VSTM4: variants seen among roughly 807,000 people sequenced by gnomAD.
VSTM4 encodes the protein V-set and transmembrane domain containing 4, also known as V-set and transmembrane domain-containing protein 4.
Under a neutral mutation model 36.4 loss-of-function variants are expected in VSTM4, and 20 were observed. The observed-to-expected ratio is 0.55, with a 90% CI of 0.39 to 0.80. VSTM4 has a LOEUF of 0.80. VSTM4 is among the 30% of genes least tolerant of loss of function. VSTM4 has a pLI of 0.00. For missense variants in VSTM4, 392 were observed against 404.5 expected, an observed-to-expected ratio of 0.97 and a Z score of 0.26; for synonymous variants, 182 against 173.9, an observed-to-expected ratio of 1.05 and a Z score of -0.37.
At chr10:49,047,386 G>A (rs181957834) in intron 6 of VSTM4, among the ~76,000 whole-genome samples, 124 of 152,224 alleles carry the variant, frequency 8.1e-4, no homozygotes, top group African/African-American at 2.7e-3. Context: ...ACACACTAGC[G>A]CTGATCACAA....
intron 3 of VSTM4, among the ~76,000 whole-genome samples, chr10:49,083,313 C>T (rs1187575156): frequency 1.3e-5 from 2 of 152,184 alleles, no homozygotes; most frequent in Non-Finnish European, 2.9e-5. Flanking sequence ...ACAATCAATG[C>T]CTCTTTTGTG....
chr10:49,107,984 C>T lies in VSTM4; in HGVS notation c.67G>A (p.Ala23Thr). 6.3e-7 allele frequency: 1 copy of T among 1,576,956 alleles called. No individual in the cohort carries two copies. Among genetic ancestry groups the T allele is most frequent in the Non-Finnish European group, 8.6e-7 (1 of 1,159,804 alleles). ...CCCGGGGACACAGTGACATTGAGGGCCGCACAGACCTCTGCAGAGAAAAAG... is the reference window on the plus strand; with the variant it reads ...CCCGGGGACACAGTGACATTGAGGGTCGCACAGACCTCTGCAGAGAAAAAG... ...ARAPAPEVCA[A>T]LNVTVSPGPV... The change falls in exon 2 of 8, where the codon GCC becomes ACC. Residue 23 changes from alanine to threonine, a missense_variant. By Grantham distance (58) the Ala-to-Thr change is moderately conservative (BLOSUM62 0). Transcript: ENST00000332853.
intron 2 of VSTM4, among the ~76,000 whole-genome samples, chr10:49,089,856 C>T (rs775944388): frequency 2.6e-5 from 4 of 152,238 alleles, no homozygotes; most frequent in Non-Finnish European, 5.9e-5. Flanking sequence ...TCTGAGTCCA[C>T]AGACTATGAG....
chr10:49,016,343 T>C lies in VSTM4; in HGVS notation c.*3307A>G, dbSNP rs1174324057. On this transcript the variant is annotated 3_prime_UTR_variant, in exon 8 of 8. Transcript: ENST00000332853. ...TCTCCTCCCTGCTGCTTGCTCAGTG[T>C]CTGTTGCCTTCCAAGGCTTCTCCAC... The C allele has an allele frequency of 6.6e-6, 1 of 152,236 alleles. No individual in the cohort carries two copies. The highest frequency in any genetic ancestry group is 2.4e-5 in the African/African-American group (1 of 41,444). The allele number at this position is 152,236 out of a possible 1,614,324, so 9.4% of individuals were successfully genotyped here. A position where few individuals can be genotyped will look rare whatever the true frequency, so the allele number is the denominator to read the frequency against.
chr10:49,064,848 A>G (rs1433614324), intron 4 of VSTM4, 112 bp from the exon 5 acceptor site: 15 of 1,089,514 alleles, frequency 1.4e-5, no homozygotes, highest in Non-Finnish European at 2.0e-5. Context: ...TATTGGTGCT[A>G]TACCACCCAA....
intron 5 of VSTM4, among the ~76,000 whole-genome samples, chr10:49,049,424 A>G (rs1050817914): frequency 6.6e-6 from 1 of 152,098 alleles, no homozygotes; most frequent in Non-Finnish European, 1.5e-5. Context: ...TCTCGGTGCT[A>G]CTCATGGGCT....
intron 1 of VSTM4, among the ~76,000 whole-genome samples, chr10:49,109,784 G>A (rs542635643): frequency 5.9e-5 from 9 of 152,336 alleles, no homozygotes; most frequent in Non-Finnish European, 1.3e-4. Flanking sequence ...TGTAGCCAAA[G>A]GAGGGACCCA....
intron 2 of VSTM4, chr10:49,102,895 C>T (rs771370510): frequency 1.3e-5 from 4 of 309,162 alleles, no homozygotes; most frequent in African/African-American, 2.3e-5. Context: ...AGAAACAGAA[C>T]GAACACACCC....
At chr10:49,038,686 G>A (rs1486740602) in intron 7 of VSTM4, among the ~76,000 whole-genome samples, 2 of 152,290 alleles carry the variant, frequency 1.3e-5, no homozygotes, top group East Asian at 3.9e-4. Flanking sequence ...TGTGGGGCAG[G>A]CCATGAGCTC....
At chr10:49,096,120 A>G (rs1844566086) in intron 2 of VSTM4, among the ~76,000 whole-genome samples, 1 of 152,218 alleles carries the variant, frequency 6.6e-6, no homozygotes, top group South Asian at 2.1e-4. Context: ...CAGAAGCCCT[A>G]AATGTTTAGT....
intron 5 of VSTM4, among the ~76,000 whole-genome samples, chr10:49,060,003 T>C (rs1277978690): frequency 6.6e-6 from 1 of 152,224 alleles, no homozygotes; most frequent in Non-Finnish European, 1.5e-5. Context: ...CACTTACTAT[T>C]GTTGGGGCTC....
intron 5 of VSTM4, 147 bp downstream of exon 5, chr10:49,064,556 A>T (rs1843938129): frequency 2.2e-6 from 2 of 890,026 alleles, no homozygotes; most frequent in Non-Finnish European, 3.5e-6. Context: ...ATGCAAATGC[A>T]TGCAGGATAC....
chr10:49,069,451 C>A (rs1052002547), intron 4 of VSTM4, among the ~76,000 whole-genome samples: 1 of 152,192 alleles, frequency 6.6e-6, no homozygotes, highest in Non-Finnish European at 1.5e-5. Flanking sequence ...AGTGAAGGAC[C>A]ACAGTACTCT....
In VSTM4 at chr10:49,048,493, C is replaced by T. The variant is rs753977306; in HGVS notation, c.760G>A (p.Ala254Thr). ...RQKEKPDIPPAVPAKAPIAPT... is the reference protein window; with the variant it reads ...RQKEKPDIPPTVPAKAPIAPT... ...AGCTCCTTACCTTTGGCAGGGACTGCGGGAGGAATGTCAGGCTTCTCCTTC... is the reference window on the plus strand; with the variant it reads ...AGCTCCTTACCTTTGGCAGGGACTGTGGGAGGAATGTCAGGCTTCTCCTTC... Residue 254 changes from alanine to threonine, a missense_variant, in exon 6 of 8, where the codon GCA becomes ACA. Physicochemically the swap from Ala to Thr is moderately conservative, Grantham distance 58 (BLOSUM62 0). Transcript: ENST00000332853. The T allele has an allele frequency of 2.6e-5, 41 of 1,593,324 alleles. No homozygotes were observed. The highest frequency in any genetic ancestry group is 1.6e-4 in the East Asian group (7 of 43,996).
At chr10:49,056,452 C>G (rs186475598) in intron 5 of VSTM4, among the ~76,000 whole-genome samples, 3 of 152,376 alleles carry the variant, frequency 2.0e-5, no homozygotes, top group Non-Finnish European at 4.4e-5. Context: ...ACCCCACTCC[C>G]TGTTCAGCTT....
At chr10:49,063,812 G>C (rs4402204) in intron 5 of VSTM4, among the ~76,000 whole-genome samples, 56,855 of 152,036 alleles carry the variant, frequency 0.37, 11,865 homozygotes, top group African/African-American at 0.56. Flanking sequence ...TTCCCTGAAG[G>C]CTTGGTGTCA....
intron 5 of VSTM4, among the ~76,000 whole-genome samples, chr10:49,057,144 C>T (rs1023747255): frequency 2.6e-5 from 4 of 152,048 alleles, no homozygotes; most frequent in Admixed American, 1.3e-4. Context: ...GACCCAAACA[C>T]GTCCCACCAA....
At chr10:49,034,711 TTTTC>T (rs1843401457) in intron 7 of VSTM4, among the ~76,000 whole-genome samples, 1 of 152,178 alleles carries the variant, frequency 6.6e-6, no homozygotes, top group Non-Finnish European at 1.5e-5. Context: ...TTTTCTTTTC[TTTTC>T]TTTATTATTT....
intron 1 of VSTM4, among the ~76,000 whole-genome samples, chr10:49,109,152 T>C (rs116451072): frequency 6.6e-6 from 1 of 152,254 alleles, no homozygotes; most frequent in African/African-American, 2.4e-5. Flanking sequence ...GGTGTCCCCA[T>C]GGTCATCCCA....
Sources: allele counts gnomAD v4.1 joint callset (sites outside exome capture counted in the v4.1 genomes callset), GRCh38; gene constraint gnomAD v4.1.1; transcripts MANE v1.5; gene names NCBI Gene and HGNC (gene_info 2026-07-23, HGNC 2026-07-21).